The following CRTAM variants were observed in gnomAD, a reference collection of about 807,000 sequenced individuals.
The protein encoded by CRTAM is cytotoxic and regulatory T-cell molecule.
A neutral mutation model predicts 50.0 loss-of-function variants in CRTAM; 44 were observed. The observed-to-expected ratio is 0.88, with a 90% CI of 0.69 to 1.13. The LOEUF is 1.13. Ranked by LOEUF, CRTAM falls within the 50% of genes most tolerant of loss-of-function variation. CRTAM has a pLI of 0.00. For synonymous variants in CRTAM, 159 were observed against 169.3 expected, an observed-to-expected ratio of 0.94 and a Z score of 0.47; for missense variants, 448 against 457.5, an observed-to-expected ratio of 0.98 and a Z score of 0.19.
At chr11:122,856,097 T>A (rs370831943) in intron 5 of CRTAM, among the ~76,000 whole-genome samples, 1 of 152,168 alleles carries the variant, frequency 6.6e-6, no homozygotes, top group Admixed American at 6.5e-5. Context: ...CATATGCAAA[T>A]AGTGTCATGC....
At chr11:122,857,842 A>G (rs1815357740) in intron 5 of CRTAM, among the ~76,000 whole-genome samples, 1 of 152,198 alleles carries the variant, frequency 6.6e-6, no homozygotes, top group African/African-American at 2.4e-5. Flanking sequence ...AAAAAGCCAC[A>G]GTGTGATGCT....
At chr11:122,860,981 A>G (rs1862064539) in intron 5 of CRTAM, among the ~76,000 whole-genome samples, 1 of 152,152 alleles carries the variant, frequency 6.6e-6, no homozygotes, top group South Asian at 2.1e-4. Flanking sequence ...ACAGGCATGA[A>G]CCATTGTGCC....
intron 6 of CRTAM, among the ~76,000 whole-genome samples, chr11:122,863,415 T>C (rs985760282): frequency 2.0e-5 from 3 of 152,104 alleles, no homozygotes; most frequent in Non-Finnish European, 4.4e-5. Flanking sequence ...AGCAAGACTA[T>C]TAGCCTCATC....
chr11:122,858,268 AGGCTG>A, intron 5 of CRTAM, among the ~76,000 whole-genome samples: 1 of 152,208 alleles, frequency 6.6e-6, no homozygotes, highest in South Asian at 2.1e-4. Context: ...TCTGTTGCCC[AGGCTG>A]GAAGGCAGTG....
intron 6 of CRTAM, among the ~76,000 whole-genome samples, chr11:122,863,333 GAAAGAAAGAAAGAAAGAA>G (rs779250867): frequency 0.029 from 2,558 of 89,276 alleles, 42 homozygotes; most frequent in Middle Eastern, 0.065. Flanking sequence ...AAGAAAGAAA[GAAAGAAAGAAAGAAAGAA>G]AAAGAAAGAA....
At chr11:122,867,758 A>G (rs925773400) in intron 8 of CRTAM, among the ~76,000 whole-genome samples, 3 of 152,260 alleles carry the variant, frequency 2.0e-5, no homozygotes, top group Non-Finnish European at 4.4e-5. Flanking sequence ...TATAATCAAT[A>G]GAAACTAGCA....
intron 1 of CRTAM, among the ~76,000 whole-genome samples, chr11:122,843,609 A>G (rs1357152120): frequency 6.6e-6 from 1 of 152,214 alleles, no homozygotes; most frequent in Admixed American, 6.5e-5. Context: ...ATGGGGATGT[A>G]CATGTCTCTA....
chr11:122,847,510 C>A (rs888572426), intron 1 of CRTAM, among the ~76,000 whole-genome samples: 1 of 152,176 alleles, frequency 6.6e-6, no homozygotes, highest in Non-Finnish European at 1.5e-5. Flanking sequence ...GATAGGGAGA[C>A]GTGATGTGAC....
At chr11:122,861,977 G>A (rs541930939) in intron 5 of CRTAM, among the ~76,000 whole-genome samples, 2 of 152,166 alleles carry the variant, frequency 1.3e-5, no homozygotes, top group South Asian at 2.1e-4. Flanking sequence ...CAAAACACTC[G>A]AAGAGGTAAA....
intron 3 of CRTAM, 56 bp downstream of exon 3, chr11:122,851,901 G>A (rs1861935477): frequency 6.5e-7 from 1 of 1,538,514 alleles, no homozygotes; most frequent in African/African-American, 1.4e-5. Flanking sequence ...AACACGATAT[G>A]TCGTTTTTAA....
At chr11:122,843,888 G>A (rs142515168) in intron 1 of CRTAM, among the ~76,000 whole-genome samples, 137 of 152,312 alleles carry the variant, frequency 9.0e-4, no homozygotes, top group African/African-American at 2.9e-3. Context: ...AAGCAAAGCT[G>A]GGTGGGTCTG....
At chr11:122,867,370 A>C (rs764420168) in intron 7 of CRTAM, 39 bp from the exon 8 acceptor site, 22 of 1,371,284 alleles carry the variant, frequency 1.6e-5, no homozygotes, top group African/African-American at 6.5e-5. Flanking sequence ...AAAAAAAAAA[A>C]CCCAAAGTAT....
At chr11:122,841,124 T>C (rs904314742) in intron 1 of CRTAM, among the ~76,000 whole-genome samples, 1 of 152,188 alleles carries the variant, frequency 6.6e-6, no homozygotes. Context: ...ACTAAAAATA[T>C]TCCGATTCTG....
In CRTAM at chr11:122,850,116, A is replaced by G. The variant is rs1284376006; in HGVS notation, c.95A>G (p.Gln32Arg). ...GAAACCATCACCGTGGAGGAAGGCC[A>G]GACGCTCACTCTAAAGTGTGTCACT... ...HTETITVEEG[Q>R]TLTLKCVTSL... The change falls in exon 2 of 10, where the codon CAG (glutamine) becomes CGG (arginine). Residue 32 changes from glutamine (Q) to arginine (R), a missense_variant. Gln to Arg is a conservative substitution (Grantham distance 43, BLOSUM62 1). Coordinates refer to ENST00000227348, the MANE Select transcript of CRTAM (RefSeq NM_019604.4). 3 of 1,613,422 alleles carry G rather than the reference A, an allele frequency of 1.9e-6. No homozygotes were observed. Among genetic ancestry groups the G allele is most frequent in the Non-Finnish European group, 2.5e-6 (3 of 1,179,668 alleles).
chr11:122,849,378 T>C (rs1378335695), intron 1 of CRTAM, among the ~76,000 whole-genome samples: 1 of 152,234 alleles, frequency 6.6e-6, no homozygotes, highest in Non-Finnish European at 1.5e-5. Context: ...GAGCCTCTAT[T>C]CCCTCGTCTG....
intron 1 of CRTAM, among the ~76,000 whole-genome samples, chr11:122,844,224 G>C (rs1277283512): frequency 1.3e-4 from 20 of 152,266 alleles, no homozygotes; most frequent in African/African-American, 4.3e-4. Context: ...TTAAAATGTT[G>C]TAAGGGTTAA....
intron 2 of CRTAM, 140 bp from the exon 3 acceptor site, chr11:122,851,553 G>T: frequency 6.7e-6 from 5 of 746,766 alleles, no homozygotes; most frequent in Non-Finnish European, 1.1e-5. Context: ...ACCTTCCCGT[G>T]GAGATAGGAC....
chr11:122,854,552 C>T (rs1219080330), intron 4 of CRTAM, among the ~76,000 whole-genome samples: 1 of 151,332 alleles, frequency 6.6e-6, no homozygotes, highest in East Asian at 1.9e-4. Context: ...TGCCTGTACT[C>T]AGGAGGCTGA....
At position 122,851,768 on chromosome 11, in the gene CRTAM, T is replaced by C; in HGVS notation, c.269T>C (p.Leu90Pro). The change falls in exon 3 of 10, where the codon CTG becomes CCG. Residue 90 changes from leucine (L) to proline (P), a missense_variant. By Grantham distance (98) the Leu-to-Pro change is moderately conservative (BLOSUM62 -3). Transcript: ENST00000227348. ...TCCATCACTGTGCCTAACGTAACCC[T>C]GCAAGATGAAGGCGTGTACAAGTGC... is the stretch of plus-strand genomic sequence containing the variant. ...QLSITVPNVTLQDEGVYKCLH... is the reference protein window; with the variant it reads ...QLSITVPNVTPQDEGVYKCLH... 1.2e-6 allele frequency: 2 copies of C among 1,614,148 alleles called. No individual in the cohort carries two copies. Among genetic ancestry groups the C allele is most frequent in the Non-Finnish European group, 1.7e-6 (2 of 1,179,980 alleles).
Sources: gnomAD v4.1 joint callset for allele counts (sites outside exome capture counted in the v4.1 genomes callset) on GRCh38, gnomAD v4.1.1 for gene constraint, MANE v1.5 for transcripts, NCBI Gene and HGNC (gene_info 2026-07-23, HGNC 2026-07-21) for gene names.